Variants in ARHGAP15 observed in about 807,000 individuals in gnomAD.
ARHGAP15 encodes Rho GTPase activating protein 15.
Under a neutral mutation model 63.7 loss-of-function variants are expected in ARHGAP15, and 51 were observed. The ratio of observed to expected loss-of-function variants is 0.80; its 90% CI spans 0.64 to 1.01. The LOEUF (loss-of-function observed/expected upper bound fraction) is 1.01, where lower values mean the gene tolerates loss of function less well. Among genes scored for constraint, ARHGAP15 ranks in the 50% least tolerant of loss-of-function variants. The pLI, the probability that ARHGAP15 is intolerant of heterozygous loss-of-function variation, is 0.00. For missense variants in ARHGAP15, 560 were observed against 564.6 expected (o/e 0.99, Z 0.08); for synonymous variants, 191 against 193.8 (o/e 0.99, Z 0.12).
In ARHGAP15 at chr2:143,541,138, C is replaced by T. The variant is rs569336958; in HGVS notation, c.926-15270C>T. Among the ~76,000 whole-genome samples, 123 of 152,262 alleles carry T rather than the reference C, an allele frequency of 8.1e-4. 2 individuals carry two copies. In the South Asian group the frequency reaches 0.01, roughly 13 times the overall value. On this transcript the variant is annotated intron_variant, in intron 10 of 13. Transcript: ENST00000295095. ...TCATTTCATTTATTTCATCTTCCAT[C>T]GCTGATACCCTTTCTGCCAGTTGAT... is the stretch of plus-strand genomic sequence containing the variant.
chr2:143,641,402 G>A (rs527242792), intron 12 of ARHGAP15: 14 of 152,108 alleles, frequency 9.2e-5, no homozygotes, highest in African/African-American at 3.4e-4. Flanking sequence ...ATTTGCTATC[G>A]GTTTTTACAT....
chr2:143,392,468 T>C (rs1050119018), intron 6 of ARHGAP15, among the ~76,000 whole-genome samples: 6 of 152,190 alleles, frequency 3.9e-5, no homozygotes, highest in Admixed American at 6.5e-5. Context: ...ATACATACAA[T>C]TGAGTGTTAA....
intron 9 of ARHGAP15, 43 bp downstream of exon 9, chr2:143,487,538 A>G (rs1692382970): frequency 6.3e-7 from 1 of 1,587,552 alleles, no homozygotes; most frequent in South Asian, 1.2e-5. Flanking sequence ...TGATAAATGA[A>G]TGTGCCTCTG....
At chr2:143,564,843 G>A (rs911396222) in intron 11 of ARHGAP15, among the ~76,000 whole-genome samples, 4 of 152,110 alleles carry the variant, frequency 2.6e-5, no homozygotes, top group African/African-American at 9.7e-5. Context: ...CCAATGTTGT[G>A]AGTTCTGAAA....
At chr2:143,188,658 T>C in intron 2 of ARHGAP15, among the ~76,000 whole-genome samples, 1 of 149,864 alleles carries the variant, frequency 6.7e-6, no homozygotes, top group African/African-American at 2.5e-5. Flanking sequence ...TTATTATTTG[T>C]CTCCCAAGCT....
At chr2:143,554,822 T>TA (rs1242415387) in intron 10 of ARHGAP15, among the ~76,000 whole-genome samples, 1 of 151,932 alleles carries the variant, frequency 6.6e-6, no homozygotes, top group African/African-American at 2.4e-5. Context: ...CAAACCAGAG[T>TA]AGACTTAGAT....
chr2:143,698,470 C>T (rs755935642), intron 12 of ARHGAP15, among the ~76,000 whole-genome samples: 1 of 152,148 alleles, frequency 6.6e-6, no homozygotes, highest in East Asian at 1.9e-4. Context: ...TTTCACATCA[C>T]GTAGGTGTTA....
chr2:143,190,325 A>C (rs1191015664), intron 2 of ARHGAP15, among the ~76,000 whole-genome samples: 1 of 152,196 alleles, frequency 6.6e-6, no homozygotes, highest in Non-Finnish European at 1.5e-5. Context: ...TCACATTATG[A>C]AGCTGACTTT....
chr2:143,193,988 G>A (rs1204087879), intron 2 of ARHGAP15, among the ~76,000 whole-genome samples: 1 of 152,166 alleles, frequency 6.6e-6, no homozygotes, highest in Non-Finnish European at 1.5e-5. Flanking sequence ...ATTTGAGACT[G>A]AAAATAAAGC....
At chr2:143,656,934 G>GGTGTGTGTGTGTGTGTGTGTGTGT (rs5834961) in intron 12 of ARHGAP15, among the ~76,000 whole-genome samples, 2,021 of 144,944 alleles carry the variant, frequency 0.014, 33 homozygotes, top group Middle Eastern at 0.021. Context: ...CAAAGTTTCT[G>GGTGTGTGTGTGTGTGTGTGTGTGT]GTGTGTGTGT....
intron 6 of ARHGAP15, among the ~76,000 whole-genome samples, chr2:143,282,992 AT>A (rs1681925247): frequency 1.3e-5 from 2 of 152,144 alleles, no homozygotes; most frequent in South Asian, 4.1e-4. Context: ...TAAATTTGTC[AT>A]TGTTTTCCGT....
intron 13 of ARHGAP15, among the ~76,000 whole-genome samples, chr2:143,715,280 G>A (rs1684761610): frequency 1.3e-5 from 2 of 152,162 alleles, no homozygotes; most frequent in Non-Finnish European, 2.9e-5. Flanking sequence ...GGAAAGACCA[G>A]CCCCTGTGAT....
At chr2:143,421,728 G>GAT (rs142592815) in intron 6 of ARHGAP15, among the ~76,000 whole-genome samples, 5,142 of 149,662 alleles carry the variant, frequency 0.034, 128 homozygotes, top group Non-Finnish European at 0.058. Context: ...TCAATTATAT[G>GAT]ATATATATAC....
chr2:143,599,061 G>T (rs111288325), intron 11 of ARHGAP15, among the ~76,000 whole-genome samples: 4 of 152,030 alleles, frequency 2.6e-5, no homozygotes, highest in African/African-American at 9.7e-5. Flanking sequence ...GGGGTACATT[G>T]TTCAGGGTTG....
At chr2:143,469,948 A>ACT (rs1188460791) in intron 8 of ARHGAP15, among the ~76,000 whole-genome samples, 1 of 147,186 alleles carries the variant, frequency 6.8e-6, no homozygotes, top group East Asian at 2.0e-4. Context: ...TGACTCTCTC[A>ACT]CTCTCTCTCT....
chr2:143,507,602 T>C (rs1693378853), intron 9 of ARHGAP15, among the ~76,000 whole-genome samples: 1 of 152,210 alleles, frequency 6.6e-6, no homozygotes, highest in Non-Finnish European at 1.5e-5. Flanking sequence ...TCGAATTCCA[T>C]CTAGAGGTTG....
intron 12 of ARHGAP15, among the ~76,000 whole-genome samples, chr2:143,637,592 G>A (rs1174414373): frequency 1.3e-5 from 2 of 151,954 alleles, no homozygotes; most frequent in Non-Finnish European, 2.9e-5. Flanking sequence ...TTACAAACCT[G>A]AGCAGTTTGT....
chr2:143,713,863 G>A (rs1023645380), intron 13 of ARHGAP15, among the ~76,000 whole-genome samples: 1 of 152,190 alleles, frequency 6.6e-6, no homozygotes, highest in Admixed American at 6.5e-5. Flanking sequence ...AGGCAGCTCT[G>A]CCCCTGTGGC....
chr2:143,391,241 G>T (rs1687526416), intron 6 of ARHGAP15, among the ~76,000 whole-genome samples: 1 of 152,162 alleles, frequency 6.6e-6, no homozygotes, highest in Admixed American at 6.6e-5. Context: ...CAAAAATGTA[G>T]TTGATAATCA....
Sources: allele counts gnomAD v4.1 joint callset (sites outside exome capture counted in the v4.1 genomes callset), GRCh38; gene constraint gnomAD v4.1.1; transcripts MANE v1.5; gene names NCBI Gene and HGNC (gene_info 2026-07-23, HGNC 2026-07-21).